ARHGEF4: variants seen among roughly 807,000 people sequenced by gnomAD.
The protein encoded by ARHGEF4 is Rho guanine nucleotide exchange factor 4.
A neutral mutation model predicts 162.0 loss-of-function variants in ARHGEF4; 119 were observed. The ratio of observed to expected loss-of-function variants is 0.73; its 90% confidence interval spans 0.63 to 0.86. ARHGEF4 has a LOEUF of 0.86. Ranked by LOEUF, ARHGEF4 falls within the 40% of genes least tolerant of loss-of-function variation. ARHGEF4 has a pLI of 0.00. For missense variants in ARHGEF4, 2,488 were observed against 2,456.0 expected (o/e 1.01, Z -0.28); for synonymous variants, 1,014 against 979.9 (o/e 1.03, Z -0.65).
intron 1 of ARHGEF4, among the ~76,000 whole-genome samples, chr2:130,847,838 G>A (rs1345225772): frequency 3.3e-5 from 5 of 152,254 alleles, no homozygotes; most frequent in Non-Finnish European, 7.3e-5. Context: ...GCCCATCCGT[G>A]TGCTGGCTCC....
chr2:130,959,282 C>G (rs1684495161), intron 4 of ARHGEF4, among the ~76,000 whole-genome samples: 1 of 152,004 alleles, frequency 6.6e-6, no homozygotes, highest in African/African-American at 2.4e-5. Context: ...TTGCCAGCAG[C>G]TAGCATGATG....
intron 5 of ARHGEF4, among the ~76,000 whole-genome samples, chr2:131,034,765 G>A (rs1011331637): frequency 6.6e-6 from 1 of 152,158 alleles, no homozygotes; most frequent in Non-Finnish European, 1.5e-5. Flanking sequence ...GCCAGCCCAG[G>A]GCCAGGACTG....
chr2:130,880,931 C>T (rs1679148197), intron 1 of ARHGEF4, among the ~76,000 whole-genome samples: 1 of 152,086 alleles, frequency 6.6e-6, no homozygotes, highest in African/African-American at 2.4e-5. Context: ...AGCTTTACAG[C>T]TAAATAACAG....
chr2:130,917,605 C>G (rs1010193556), intron 2 of ARHGEF4, 107 bp downstream of exon 2: 1 of 1,400,334 alleles, frequency 7.1e-7, no homozygotes. Flanking sequence ...GAAGGCCAGG[C>G]CAAAATTGCC....
intron 1 of ARHGEF4, among the ~76,000 whole-genome samples, chr2:130,892,114 A>G (rs1679893759): frequency 6.6e-6 from 1 of 152,112 alleles, no homozygotes; most frequent in African/African-American, 2.4e-5. Context: ...CACCAGCCTT[A>G]TGTTAATATC....
chr2:130,981,398 G>A (rs1686107040), intron 4 of ARHGEF4, among the ~76,000 whole-genome samples: 3 of 151,960 alleles, frequency 2.0e-5, no homozygotes, highest in Admixed American at 2.0e-4. Flanking sequence ...AGTGAAAATA[G>A]GCCTGTAATC....
chr2:130,867,944 T>C (rs1574124198), intron 1 of ARHGEF4, among the ~76,000 whole-genome samples: 1 of 147,530 alleles, frequency 6.8e-6, no homozygotes, highest in East Asian at 2.0e-4. Context: ...TTCTTTTTTT[T>C]TTTTTTTTGG....
At chr2:130,847,947 C>T (rs989123428) in intron 1 of ARHGEF4, among the ~76,000 whole-genome samples, 4 of 152,176 alleles carry the variant, frequency 2.6e-5, no homozygotes, top group Non-Finnish European at 4.4e-5. Flanking sequence ...TGGAGCTGGG[C>T]CGCTGGGCTG....
chr2:131,013,802 T>C (rs1688618803), intron 4 of ARHGEF4, among the ~76,000 whole-genome samples: 1 of 152,016 alleles, frequency 6.6e-6, no homozygotes, highest in South Asian at 2.1e-4. Context: ...GATTTCACCA[T>C]GTTGGCCAGA....
intron 2 of ARHGEF4, among the ~76,000 whole-genome samples, chr2:130,927,736 T>G (rs1429837314): frequency 1.3e-5 from 2 of 152,174 alleles, no homozygotes; most frequent in African/African-American, 2.4e-5. Context: ...CTACCTGGTG[T>G]TGTTCCTTGT....
intron 4 of ARHGEF4, among the ~76,000 whole-genome samples, chr2:130,992,455 AAAC>A (rs1687082337): frequency 6.6e-6 from 1 of 152,066 alleles, no homozygotes; most frequent in African/African-American, 2.4e-5. Flanking sequence ...CGGGAGGAAC[AAAC>A]AACTCCAGAT....
At chr2:130,923,319 TC>T (rs769594211) in intron 2 of ARHGEF4, among the ~76,000 whole-genome samples, 6 of 152,218 alleles carry the variant, frequency 3.9e-5, no homozygotes, top group Non-Finnish European at 8.8e-5. Context: ...ATGAAAAGAA[TC>T]CCTTAAATTA....
intron 4 of ARHGEF4, among the ~76,000 whole-genome samples, chr2:131,022,187 C>G (rs2105355705): frequency 6.6e-6 from 1 of 152,242 alleles, no homozygotes; most frequent in South Asian, 2.1e-4. Flanking sequence ...GTATTCCTTC[C>G]TCTTCAATAT....
chr2:131,014,262 G>A (rs990368852), intron 4 of ARHGEF4, among the ~76,000 whole-genome samples: 10 of 152,168 alleles, frequency 6.6e-5, no homozygotes, highest in African/African-American at 2.4e-4. Context: ...TAGAGGAACA[G>A]CTGTTCACAT....
intron 1 of ARHGEF4, among the ~76,000 whole-genome samples, chr2:130,883,916 G>A (rs1249758823): frequency 1.3e-5 from 2 of 152,048 alleles, no homozygotes; most frequent in African/African-American, 4.8e-5. Context: ...TGGAATAATA[G>A]GTATCTTTTC....
intron 1 of ARHGEF4, among the ~76,000 whole-genome samples, chr2:130,884,734 A>G (rs1284904621): frequency 6.6e-6 from 1 of 152,156 alleles, no homozygotes; most frequent in Non-Finnish European, 1.5e-5. Flanking sequence ...TTAGAGAAAT[A>G]CTGTTGAAGG....
intron 1 of ARHGEF4, among the ~76,000 whole-genome samples, chr2:130,862,947 G>T (rs1383974580): frequency 1.2e-5 from 1 of 84,740 alleles, no homozygotes; most frequent in Non-Finnish European, 1.9e-5. Context: ...CTTACAGGCC[G>T]AGTGTGGTGG....
At chr2:130,907,795 A>G in intron 1 of ARHGEF4, among the ~76,000 whole-genome samples, 1 of 151,754 alleles carries the variant, frequency 6.6e-6, no homozygotes. Context: ...TCTCTACTAA[A>G]CGTACAAAAA....
At chr2:130,955,163 G>A (rs771500558) in intron 4 of ARHGEF4, among the ~76,000 whole-genome samples, 36 of 152,086 alleles carry the variant, frequency 2.4e-4, no homozygotes, top group Non-Finnish European at 4.3e-4. Flanking sequence ...GATATTCTCT[G>A]TTTGGTGAGA....
Sources: allele counts gnomAD v4.1 joint callset (sites outside exome capture counted in the v4.1 genomes callset), GRCh38; gene constraint gnomAD v4.1.1; transcripts MANE v1.5; gene names NCBI Gene and HGNC (gene_info 2026-07-23, HGNC 2026-07-21).